Variants in NR1H4 observed in about 807,000 individuals in gnomAD.
NR1H4 encodes the protein bile acid receptor.
NR1H4 carries 23 observed loss-of-function variants against 58.5 expected under a neutral mutation model. The observed-to-expected ratio is 0.39, with a 90% CI of 0.28 to 0.56. The LOEUF is 0.56. NR1H4 is among the 20% of genes least tolerant of loss of function. The pLI, the probability that NR1H4 is intolerant of heterozygous loss-of-function variation, is 0.58. For missense variants in NR1H4, 487 were observed against 576.9 expected, an observed-to-expected ratio of 0.84 and a Z score of 1.60; for synonymous variants, 214 against 198.0, an observed-to-expected ratio of 1.08 and a Z score of -0.68.
rs1399130415 is a variant in NR1H4, at chr12:100,511,037, C to T, written c.339C>T (p.Arg113=). 1 of 1,614,246 alleles carries T rather than the reference C, an allele frequency of 6.2e-7. No homozygotes were observed. Among genetic ancestry groups the T allele is most frequent in the Non-Finnish European group, 8.5e-7 (1 of 1,180,054 alleles). Reference sequence around the variant, plus strand: ...AGATGCCTGTAACAAAGAAGCCCCGCATGGGCGCGTCAGCAGGGAGGATCA... The same window carrying T: ...AGATGCCTGTAACAAAGAAGCCCCGTATGGGCGCGTCAGCAGGGAGGATCA... The part of the protein sequence containing the change: ...VAEMPVTKKP[R]MGASAGRIKG... The change falls in exon 4 of 11, where the codon CGC becomes CGT. Residue 113 remains arginine (R), a synonymous_variant. Coordinates refer to ENST00000392986, the MANE Select transcript of NR1H4 (RefSeq NM_001206979.2).
In NR1H4 at chr12:100,501,458, T is replaced by C. The variant is rs76400023; in HGVS notation, c.79+8056T>C. On this transcript the variant is annotated intron_variant, in intron 3 of 10. Transcript: ENST00000392986. ...AATTAGGGCAAGTGTACCTTAGTTT[T>C]TCCACCACGGGATTTTGAGTCAGAA... Among the ~76,000 whole-genome samples the C allele has an allele frequency of 1.6e-3, 250 of 152,292 alleles. 4 individuals carry two copies. Among genetic ancestry groups the C allele is most frequent in the East Asian group, 0.013 (65 of 5,176 alleles).
chr12:100,557,116 C>T (rs1336020528), intron 9 of NR1H4, among the ~76,000 whole-genome samples: 1 of 151,946 alleles, frequency 6.6e-6, no homozygotes, highest in African/African-American at 2.4e-5. Context: ...TAAAGGAATA[C>T]CTGAGACTGG....
intron 3 of NR1H4, among the ~76,000 whole-genome samples, chr12:100,500,567 T>C (rs561827544): frequency 6.6e-6 from 1 of 152,210 alleles, no homozygotes; most frequent in Non-Finnish European, 1.5e-5. Flanking sequence ...CCTGATATGG[T>C]TGGGCTCTGT....
intron 3 of NR1H4, among the ~76,000 whole-genome samples, chr12:100,504,152 G>A (rs937280094): frequency 1.3e-5 from 2 of 152,090 alleles, no homozygotes; most frequent in Admixed American, 1.3e-4. Context: ...AATCAGATAA[G>A]CACAGAGTTG....
At chr12:100,490,444 C>T (rs1337285690) in intron 1 of NR1H4, among the ~76,000 whole-genome samples, 2 of 152,060 alleles carry the variant, frequency 1.3e-5, no homozygotes, top group Admixed American at 1.3e-4. Context: ...GGAAATGGGC[C>T]TTAAGTTACA....
intron 3 of NR1H4, among the ~76,000 whole-genome samples, chr12:100,497,290 T>G (rs1190134470): frequency 6.6e-6 from 1 of 152,056 alleles, no homozygotes; most frequent in African/African-American, 2.4e-5. Context: ...TCCTGTGGGA[T>G]TAGAGAAGTT....
At chr12:100,501,582 G>A (rs1203012016) in intron 3 of NR1H4, among the ~76,000 whole-genome samples, 1 of 152,252 alleles carries the variant, frequency 6.6e-6, no homozygotes, top group African/African-American at 2.4e-5. Context: ...AAAGATAGTG[G>A]AAGTTAGAAA....
intron 1 of NR1H4, among the ~76,000 whole-genome samples, chr12:100,480,616 C>T (rs1953358326): frequency 1.3e-5 from 2 of 152,174 alleles, no homozygotes; most frequent in Non-Finnish European, 2.9e-5. Context: ...GATCATCCCC[C>T]AATCCCAAAG....
chr12:100,557,436 C>A (rs1341152143), intron 9 of NR1H4, among the ~76,000 whole-genome samples: 2 of 152,232 alleles, frequency 1.3e-5, no homozygotes, highest in African/African-American at 4.8e-5. Context: ...ATCTCCAACA[C>A]TGAGGATTAC....
rs1410834920 is a variant in NR1H4, at chr12:100,556,467, C to T, written c.1079-5418C>T. ...GGGCAACAAGAGTGAAACTCCGTCT[C>T]AAAGAAAAAAAAAACAAAAAACAAA... On this transcript the variant is annotated intron_variant, in intron 9 of 10. Coordinates refer to ENST00000392986, the MANE Select transcript of NR1H4 (RefSeq NM_001206979.2). 8.0e-5 allele frequency among the ~76,000 whole-genome samples: 7 copies of T among 87,522 alleles called. No individual in the cohort carries two copies. In the South Asian group the frequency reaches 2.6e-3, roughly 32 times the overall value. The allele number at this position is 87,522 out of a possible 152,430, so 57.4% of individuals were successfully genotyped here.
chr12:100,520,687 C>G (rs1954393007), intron 4 of NR1H4, among the ~76,000 whole-genome samples: 1 of 152,182 alleles, frequency 6.6e-6, no homozygotes, highest in African/African-American at 2.4e-5. Flanking sequence ...AGAGTGCTGC[C>G]ACAGCAAAAC....
At chr12:100,533,952 AG>A (rs1474337329) in intron 5 of NR1H4, among the ~76,000 whole-genome samples, 1 of 150,670 alleles carries the variant, frequency 6.6e-6, no homozygotes, top group Non-Finnish European at 1.5e-5. Flanking sequence ...TGCGGACTGC[AG>A]TGGCGCAATC....
chr12:100,535,466 G>T (rs1437972041), intron 6 of NR1H4, among the ~76,000 whole-genome samples: 1 of 152,186 alleles, frequency 6.6e-6, no homozygotes, highest in Non-Finnish European at 1.5e-5. Flanking sequence ...CTACCCACTG[G>T]GGTTACAAAT....
chr12:100,511,196 T>C, intron 4 of NR1H4, 53 bp downstream of exon 4: 2 of 1,611,744 alleles, frequency 1.2e-6, no homozygotes, highest in Non-Finnish European at 1.7e-6. Context: ...ATATTGGTTG[T>C]TGAAATCCCT....
intron 2 of NR1H4, 102 bp from the exon 3 acceptor site, chr12:100,493,168 C>A: frequency 1.6e-6 from 1 of 635,452 alleles, no homozygotes; most frequent in Admixed American, 2.5e-5. Context: ...TCAAAGGGAG[C>A]CATTTGTACT....
intron 1 of NR1H4, among the ~76,000 whole-genome samples, chr12:100,483,821 T>A (rs1449972278): frequency 6.6e-6 from 1 of 151,952 alleles, no homozygotes; most frequent in Non-Finnish European, 1.5e-5. Flanking sequence ...CTGTCTCTAC[T>A]GAAAATACAA....
rs558865613 is a variant in NR1H4, at chr12:100,498,086, T to A, written c.79+4684T>A. Among the ~76,000 whole-genome samples the A allele has an allele frequency of 3.9e-5, 6 of 152,246 alleles. No homozygotes were observed. In the South Asian group the frequency reaches 1.2e-3, roughly 32 times the overall value. On this transcript the variant is annotated intron_variant, in intron 3 of 10. Transcript: ENST00000392986. ...GCAAGTGAGATTCTCTGAACTTCAGTTTTTACCCACATAAAATGAGGATAA... is the reference window on the plus strand; with the variant it reads ...GCAAGTGAGATTCTCTGAACTTCAGATTTTACCCACATAAAATGAGGATAA...
At chr12:100,550,142 G>T (rs766198022) in intron 9 of NR1H4, among the ~76,000 whole-genome samples, 19 of 152,096 alleles carry the variant, frequency 1.2e-4, no homozygotes, top group African/African-American at 4.6e-4. Flanking sequence ...GAGAATTAGA[G>T]TATTTATGTT....
At chr12:100,529,340 A>G (rs1190096617) in intron 4 of NR1H4, among the ~76,000 whole-genome samples, 1 of 152,074 alleles carries the variant, frequency 6.6e-6, no homozygotes, top group Non-Finnish European at 1.5e-5. Flanking sequence ...TATTATGGCA[A>G]TAGTCTCCTC....
Sources: gnomAD v4.1 joint callset for allele counts (sites outside exome capture counted in the v4.1 genomes callset) on GRCh38, gnomAD v4.1.1 for gene constraint, MANE v1.5 for transcripts, NCBI Gene and HGNC (gene_info 2026-07-23, HGNC 2026-07-21) for gene names.